Variants in LYPD6 observed in about 807,000 individuals in gnomAD.
LYPD6 encodes the protein ly6/PLAUR domain-containing protein 6.
In LYPD6, 15 loss-of-function variants were observed where a neutral mutation model predicts 22.7. That is an observed-to-expected ratio of 0.66 (90% confidence interval 0.44 to 1.02). The LOEUF is 1.02. Ranked by LOEUF, LYPD6 falls within the 50% of genes least tolerant of loss-of-function variation. The probability of loss-of-function intolerance (pLI) is 0.00; values close to 1 mark genes in which losing one functional copy is unlikely to be tolerated. For synonymous variants in LYPD6, 72 were observed against 77.5 expected (o/e 0.93, Z 0.37); for missense variants, 189 against 208.4 (o/e 0.91, Z 0.57).
At chr2:149,423,694 T>C (rs1348444872) in intron 1 of LYPD6, among the ~76,000 whole-genome samples, 1 of 145,738 alleles carries the variant, frequency 6.9e-6, no homozygotes, top group East Asian at 2.0e-4. Context: ...GAATAGGACA[T>C]TGGTTCCCCA....
chr2:149,449,213 T>C, intron 3 of LYPD6, 66 bp downstream of exon 3: 1 of 1,072,086 alleles, frequency 9.3e-7, no homozygotes, highest in Non-Finnish European at 1.4e-6. Flanking sequence ...CTTTTGACTT[T>C]GGTGATGTAT....
chr2:149,353,247 A>G (rs959237411), intron 1 of LYPD6, among the ~76,000 whole-genome samples: 1 of 152,182 alleles, frequency 6.6e-6, no homozygotes, highest in African/African-American at 2.4e-5. Flanking sequence ...TTTAAGTATA[A>G]TTGTCTCACC....
rs112892707 is a variant in LYPD6 at position 149,440,867 on chromosome 2, A to ATTTTTT, written c.118+3048_118+3053dup. Among the ~76,000 whole-genome samples the ATTTTTT allele has an allele frequency of 8.3e-3, 1,200 of 144,508 alleles. 12 individuals carry two copies. Among genetic ancestry groups the ATTTTTT allele is most frequent in the African/African-American group, 0.029 (1,153 of 39,644 alleles). The allele number at this position is 144,508 out of a possible 152,430, so 94.8% of individuals were successfully genotyped here. On this transcript the variant is annotated intron_variant, in intron 2 of 4. Transcript: ENST00000334166. The stretch of plus-strand genomic sequence containing the variant: ...AGGTGCCCACCACCAGGCCTGACTA[A>ATTTTTT]TTTTTTTTTTTTGTATTTTTAGTAG...
chr2:149,413,804 C>T (rs944060867), intron 1 of LYPD6, among the ~76,000 whole-genome samples: 4 of 152,170 alleles, frequency 2.6e-5, no homozygotes, highest in African/African-American at 9.7e-5. Flanking sequence ...TGCTATGTGA[C>T]TGTGGGTTTT....
intron 1 of LYPD6, among the ~76,000 whole-genome samples, chr2:149,339,983 T>C (rs1191177281): frequency 6.6e-6 from 1 of 152,194 alleles, no homozygotes; most frequent in African/African-American, 2.4e-5. Flanking sequence ...GCAGCAGTTA[T>C]GACTTGTTCT....
At chr2:149,401,441 T>G (rs1682553355) in intron 1 of LYPD6, among the ~76,000 whole-genome samples, 1 of 152,270 alleles carries the variant, frequency 6.6e-6, no homozygotes, top group South Asian at 2.1e-4. Flanking sequence ...AGCTGATTTC[T>G]GCTCATCTGG....
intron 3 of LYPD6, among the ~76,000 whole-genome samples, chr2:149,467,554 C>T (rs1426924625): frequency 6.6e-6 from 1 of 151,910 alleles, no homozygotes; most frequent in African/African-American, 2.4e-5. Flanking sequence ...TAAAAGCTGC[C>T]AAAATCATGA....
In LYPD6 at chr2:149,359,594, T is replaced by C. The variant is rs186868018; in HGVS notation, c.-72+28872T>C. Among the ~76,000 whole-genome samples, 17 of 152,334 alleles carry C rather than the reference T, an allele frequency of 1.1e-4. No homozygotes were observed. In the East Asian group the frequency reaches 3.3e-3, roughly 29 times the overall value. On this transcript the variant is annotated intron_variant, in intron 1 of 4. Coordinates refer to ENST00000334166, the MANE Select transcript of LYPD6 (RefSeq NM_194317.5). The stretch of plus-strand genomic sequence containing the variant: ...CCTGACTTGACATCACTTGAGTGAC[T>C]TGACATCACAAGGCTATTAAATTAC...
intron 3 of LYPD6, among the ~76,000 whole-genome samples, chr2:149,465,995 G>A (rs1681192078): frequency 6.6e-6 from 1 of 152,128 alleles, no homozygotes; most frequent in African/African-American, 2.4e-5. Context: ...TCCTTTTAGT[G>A]TGAAGTTATC....
At chr2:149,392,448 G>A (rs1454823174) in intron 1 of LYPD6, among the ~76,000 whole-genome samples, 1 of 152,186 alleles carries the variant, frequency 6.6e-6, no homozygotes, top group African/African-American at 2.4e-5. Flanking sequence ...TGGACTGCAA[G>A]TAAGAGGAAA....
chr2:149,411,993 T>A (rs1682860582), intron 1 of LYPD6, among the ~76,000 whole-genome samples: 1 of 152,250 alleles, frequency 6.6e-6, no homozygotes, highest in Non-Finnish European at 1.5e-5. Flanking sequence ...TGTACGATAT[T>A]CTTTTGTATG....
chr2:149,367,454 G>C (rs1307807454), intron 1 of LYPD6, among the ~76,000 whole-genome samples: 1 of 152,084 alleles, frequency 6.6e-6, no homozygotes, highest in South Asian at 2.1e-4. Flanking sequence ...GCTATATTCT[G>C]TTGGTTAGAG....
chr2:149,442,232 T>C (rs980175230), intron 2 of LYPD6, among the ~76,000 whole-genome samples: 1 of 152,192 alleles, frequency 6.6e-6, no homozygotes, highest in African/African-American at 2.4e-5. Context: ...CACATCAGCA[T>C]ACCTTTCAAA....
In LYPD6 at chr2:149,427,671, C is replaced by T. The variant is rs117856517; in HGVS notation, c.-71-9967C>T. 6.4e-4 allele frequency among the ~76,000 whole-genome samples: 98 copies of T among 152,300 alleles called. No individual in the cohort carries two copies. The East Asian group carries it at 0.016, about 25-fold the overall frequency. On this transcript the variant is annotated intron_variant, in intron 1 of 4. Coordinates refer to ENST00000334166, the MANE Select transcript of LYPD6 (RefSeq NM_194317.5). Reference sequence around the variant, plus strand: ...TGACATTTTGGTCAACAGTGGACTGCGTGTCCAACAGTAATCCCATACGAT... The same window carrying T: ...TGACATTTTGGTCAACAGTGGACTGTGTGTCCAACAGTAATCCCATACGAT...
At chr2:149,362,188 C>T (rs977772430) in intron 1 of LYPD6, among the ~76,000 whole-genome samples, 3 of 152,132 alleles carry the variant, frequency 2.0e-5, no homozygotes, top group Non-Finnish European at 4.4e-5. Flanking sequence ...TAATTTGTTA[C>T]AGCAGCAATA....
At chr2:149,468,432 G>A (rs1681255262) in intron 3 of LYPD6, among the ~76,000 whole-genome samples, 1 of 152,170 alleles carries the variant, frequency 6.6e-6, no homozygotes, top group Non-Finnish European at 1.5e-5. Context: ...ATGCTGGGCA[G>A]AGAAATCAAT....
chr2:149,358,283 G>C (rs1172656129), intron 1 of LYPD6, among the ~76,000 whole-genome samples: 2 of 151,982 alleles, frequency 1.3e-5, no homozygotes, highest in Non-Finnish European at 2.9e-5. Context: ...AGCAAACATC[G>C]ATTACTCTAC....
chr2:149,477,622 CAAAAAAAAAAAAAA>C (rs35507967), downstream of LYPD6, among the ~76,000 whole-genome samples: 1,229 of 63,022 alleles, frequency 0.02, 67 homozygotes, highest in Admixed American at 0.19. Flanking sequence ...AACTGTGTCT[CAAAAAAAAAAAAAA>C]AAAAAAAAAA....
chr2:149,364,250 A>G (rs1461299764), intron 1 of LYPD6, among the ~76,000 whole-genome samples: 2 of 152,140 alleles, frequency 1.3e-5, no homozygotes, highest in East Asian at 3.9e-4. Context: ...AGTGAAATAC[A>G]TTTGATTCTC....
Sources: allele counts gnomAD v4.1 joint callset (sites outside exome capture counted in the v4.1 genomes callset), GRCh38; gene constraint gnomAD v4.1.1; transcripts MANE v1.5; gene names NCBI Gene and HGNC (gene_info 2026-07-23, HGNC 2026-07-21).